Variants in NDUFAF7 observed in about 807,000 individuals in gnomAD.
The protein encoded by NDUFAF7 is NADH:ubiquinone oxidoreductase complex assembly factor 7.
In NDUFAF7, 48 loss-of-function variants were observed where a neutral mutation model predicts 47.2. The ratio of observed to expected loss-of-function variants is 1.02; its 90% CI spans 0.81 to 1.29. The LOEUF (loss-of-function observed/expected upper bound fraction) is 1.29. NDUFAF7 is among the 50% of genes most tolerant of loss of function. NDUFAF7 has a pLI of 0.00. For missense variants in NDUFAF7, 635 were observed against 537.6 expected, an observed-to-expected ratio of 1.18 and a Z score of -1.79; for synonymous variants, 217 against 190.0, an observed-to-expected ratio of 1.14 and a Z score of -1.17.
the NDUFAF7 span, chr2:37,269,798 A>G: frequency 5.2e-6 from 4 of 768,528 alleles, no homozygotes; most frequent in Non-Finnish European, 8.1e-6. Context: ...AGAAGCAGCT[A>G]ATTTCCATAA....
intron 3 of NDUFAF7, 89 bp downstream of exon 3, chr2:37,236,265 T>C: frequency 8.8e-7 from 1 of 1,141,392 alleles, no homozygotes; most frequent in Non-Finnish European, 1.3e-6. Flanking sequence ...GTTCTACAGC[T>C]TTTTTTGTGA....
the NDUFAF7 span, among the ~76,000 whole-genome samples, chr2:37,261,959 G>C: frequency 2.6e-5 from 4 of 152,248 alleles, no homozygotes; most frequent in Admixed American, 2.0e-4. Context: ...CAACACATTA[G>C]TGTAAAATGG....
At chr2:37,270,405 G>T in the NDUFAF7 span, among the ~76,000 whole-genome samples, 1 of 146,504 alleles carries the variant, frequency 6.8e-6, no homozygotes, top group Non-Finnish European at 1.5e-5. Context: ...GCCTAACTTT[G>T]AGAGACTGAA....
the NDUFAF7 span, among the ~76,000 whole-genome samples, chr2:37,270,351 G>GAA: frequency 0.038 from 5,312 of 140,728 alleles, 124 homozygotes; most frequent in Non-Finnish European, 0.052. Flanking sequence ...TTGATTTTTG[G>GAA]AAAAAAAAAA....
chr2:37,268,706 G>C, the NDUFAF7 span: 1 of 174,286 alleles, frequency 5.7e-6, no homozygotes, highest in African/African-American at 2.4e-5. Context: ...GAGACAAAGG[G>C]ATGGAGAAGG....
chr2:37,254,360 A>T, downstream of NDUFAF7: 2 of 1,168,964 alleles, frequency 1.7e-6, no homozygotes, highest in Non-Finnish European at 2.6e-6. Context: ...GACTGCCTAG[A>T]AGGCAGTTCA....
At chr2:37,265,777 A>C in the NDUFAF7 span, among the ~76,000 whole-genome samples, 6 of 152,212 alleles carry the variant, frequency 3.9e-5, no homozygotes, top group African/African-American at 1.4e-4. Flanking sequence ...ATCTATTCCC[A>C]GTTTGGGCAA....
At chr2:37,247,433 AAT>A in intron 8 of NDUFAF7, 21 bp from the exon 9 acceptor site, 1 of 1,613,804 alleles carries the variant, frequency 6.2e-7, no homozygotes, top group Non-Finnish European at 8.5e-7. Flanking sequence ...AAAGGGCAAA[AAT>A]CTGATTTCTT....
At chr2:37,238,804 C>T (rs1666056780) in intron 4 of NDUFAF7, among the ~76,000 whole-genome samples, 1 of 151,124 alleles carries the variant, frequency 6.6e-6, no homozygotes, top group Non-Finnish European at 1.5e-5. Context: ...ATTTAAATAA[C>T]TCCTTTAGGT....
chr2:37,262,569 G>A, the NDUFAF7 span, among the ~76,000 whole-genome samples: 4 of 152,112 alleles, frequency 2.6e-5, no homozygotes, highest in African/African-American at 9.7e-5. Flanking sequence ...CATAGTGGTG[G>A]GGTGTGACAA....
downstream of NDUFAF7, chr2:37,252,893 C>A (rs1040439837): frequency 6.0e-6 from 1 of 165,942 alleles, no homozygotes; most frequent in Non-Finnish European, 1.2e-5. Flanking sequence ...ATTAAGTGAG[C>A]CTATTGTATT....
At chr2:37,239,071 A>G (rs893385850) in intron 4 of NDUFAF7, among the ~76,000 whole-genome samples, 4 of 151,702 alleles carry the variant, frequency 2.6e-5, no homozygotes, top group Non-Finnish European at 4.4e-5. Flanking sequence ...GGCAACTCTC[A>G]TATACTGCTT....
In NDUFAF7 at chr2:37,242,480, C is replaced by T; in HGVS notation, c.623-155C>T. 6.5e-6 allele frequency: 4 copies of T among 611,550 alleles called. No individual in the cohort carries two copies. In the Admixed American group the frequency reaches 8.7e-5, roughly 13 times the overall value. The allele number at this position is 611,550 out of a possible 1,614,324, so 37.9% of individuals were successfully genotyped here. On this transcript the variant is annotated intron_variant, in intron 5 of 9. Coordinates refer to ENST00000002125, the MANE Select transcript of NDUFAF7 (RefSeq NM_144736.5). Reference sequence around the variant, plus strand: ...TAAAATAAGAATAGTAATAATTGTTCTATGTTCTGCAGTGTAAGTTTTCCA... The same window carrying T: ...TAAAATAAGAATAGTAATAATTGTTTTATGTTCTGCAGTGTAAGTTTTCCA...
the NDUFAF7 span, among the ~76,000 whole-genome samples, chr2:37,269,916 A>C: frequency 6.6e-6 from 1 of 152,226 alleles, no homozygotes; most frequent in Non-Finnish European, 1.5e-5. Context: ...CAGGAAAAAA[A>C]TGCTTTGCAT....
chr2:37,259,062 A>C, the NDUFAF7 span, among the ~76,000 whole-genome samples: 1 of 152,288 alleles, frequency 6.6e-6, no homozygotes, highest in East Asian at 1.9e-4. Flanking sequence ...GAAAAAAAAA[A>C]AACTCAACTG....
chr2:37,249,643 GACAC>G (rs56208997), downstream of NDUFAF7, among the ~76,000 whole-genome samples: 865 of 132,614 alleles, frequency 6.5e-3, 21 homozygotes, highest in African/African-American at 0.023. Flanking sequence ...CTGTGATAGA[GACAC>G]ACACACACAC....
chr2:37,247,922 C>A (rs1265206933), intron 9 of NDUFAF7, among the ~76,000 whole-genome samples: 2 of 152,178 alleles, frequency 1.3e-5, no homozygotes, highest in East Asian at 1.9e-4. Flanking sequence ...GTAGATCAAA[C>A]CCCCTGAGGA....
chr2:37,259,595 C>T, the NDUFAF7 span: 12 of 1,610,278 alleles, frequency 7.5e-6, no homozygotes, highest in African/African-American at 1.3e-5. Context: ...GAGGAAATGG[C>T]TCTGCTGATG....
Position 37,231,698 on chromosome 2 carries a change from A to T in NDUFAF7, c.-8A>T. 1 of 1,614,156 alleles carries T rather than the reference A, an allele frequency of 6.2e-7. No homozygotes were observed. The highest frequency in any genetic ancestry group is 8.5e-7 in the Non-Finnish European group (1 of 1,180,000). On this transcript the variant is annotated 5_prime_UTR_variant, in exon 1 of 10. Coordinates refer to ENST00000002125, the MANE Select transcript of NDUFAF7 (RefSeq NM_144736.5). ...CCTGGCGGAGCGAGCTAGCCTGCGA[A>T]TTTCAGCATGAGTGTACTGCTGAGG...
Sources: allele counts gnomAD v4.1 joint callset (sites outside exome capture counted in the v4.1 genomes callset), GRCh38; gene constraint gnomAD v4.1.1; transcripts MANE v1.5; gene names NCBI Gene and HGNC (gene_info 2026-07-23, HGNC 2026-07-21).